The following ADAM29 variants were observed in gnomAD, a reference collection of about 807,000 sequenced individuals.
The protein encoded by ADAM29 is disintegrin and metalloproteinase domain-containing protein 29.
For synonymous variants in ADAM29, 367 were observed against 342.3 expected (o/e 1.07, Z -0.80); for missense variants, 969 against 1,001.8 (o/e 0.97, Z 0.44).
intron 4 of ADAM29, among the ~76,000 whole-genome samples, chr4:174,951,641 G>C (rs1745182024): frequency 6.6e-6 from 1 of 152,136 alleles, no homozygotes; most frequent in South Asian, 2.1e-4. Flanking sequence ...CAAGAATGCA[G>C]GATAATGCCT....
chr4:174,938,765 T>C (rs1744342775), intron 4 of ADAM29, among the ~76,000 whole-genome samples: 1 of 152,068 alleles, frequency 6.6e-6, no homozygotes, highest in African/African-American at 2.4e-5. Flanking sequence ...TCTCCACAAA[T>C]TGGTGGCTTA....
intron 4 of ADAM29, among the ~76,000 whole-genome samples, chr4:174,965,667 C>T (rs1318236054): frequency 1.3e-5 from 2 of 151,988 alleles, no homozygotes; most frequent in Non-Finnish European, 2.9e-5. Context: ...GATGAGAGCC[C>T]TCTTTTGCTC....
At chr4:174,968,769 GCCCACACACACA>G (rs1227187973) in intron 4 of ADAM29, among the ~76,000 whole-genome samples, 18 of 93,386 alleles carry the variant, frequency 1.9e-4, no homozygotes, top group Non-Finnish European at 3.5e-4. Flanking sequence ...GCCACTTTCC[GCCCACACACACA>G]CACACACACA....
chr4:174,956,117 C>A (rs1745484085), intron 4 of ADAM29, among the ~76,000 whole-genome samples: 1 of 152,020 alleles, frequency 6.6e-6, no homozygotes. Context: ...TTCATTATCC[C>A]TTTGGTACTT....
chr4:174,975,877 A>G lies in ADAM29; in HGVS notation c.352A>G (p.Thr118Ala). ...GDPESLVSLS[T>A]CFGGFQGILQ... is the part of the protein sequence containing the mutation. ...CCCAGAATCCCTGGTTTCCCTCAGT[A>G]CCTGTTTTGGGGGTTTTCAAGGAAT... The change falls in exon 5 of 5, where the codon ACC becomes GCC. Residue 118 changes from threonine (T) to alanine (A), a missense_variant. Thr to Ala is a moderately conservative substitution (Grantham distance 58). Transcript: ENST00000359240. 6.2e-7 allele frequency: 1 copy of G among 1,613,678 alleles called. No individual in the cohort carries two copies. Among genetic ancestry groups the G allele is most frequent in the Non-Finnish European group, 8.5e-7 (1 of 1,179,868 alleles).
chr4:174,953,214 AGG>A (rs1560878754), intron 4 of ADAM29, among the ~76,000 whole-genome samples: 16 of 151,866 alleles, frequency 1.1e-4, no homozygotes, highest in Middle Eastern at 3.4e-3. Context: ...TGAACCCAGG[AGG>A]CGGAGCTTGC....
intron 2 of ADAM29, among the ~76,000 whole-genome samples, chr4:174,921,080 GTAA>G: frequency 6.6e-6 from 1 of 152,200 alleles, no homozygotes; most frequent in East Asian, 1.9e-4. Context: ...TGGTTCTACA[GTAA>G]GAAAACTAGA....
At chr4:174,963,284 G>T (rs1045266751) in intron 4 of ADAM29, among the ~76,000 whole-genome samples, 12 of 152,106 alleles carry the variant, frequency 7.9e-5, no homozygotes, top group Non-Finnish European at 1.2e-4. Context: ...GCAATAGGTG[G>T]TCTTTATGGA....
At chr4:174,953,245 C>T (rs1745293179) in intron 4 of ADAM29, among the ~76,000 whole-genome samples, 1 of 152,008 alleles carries the variant, frequency 6.6e-6, no homozygotes, top group African/African-American at 2.4e-5. Context: ...GAGATTGAGC[C>T]ACTGCACTCT....
chr4:174,944,675 T>C (rs1744740350), intron 4 of ADAM29, among the ~76,000 whole-genome samples: 1 of 152,206 alleles, frequency 6.6e-6, no homozygotes, highest in Non-Finnish European at 1.5e-5. Flanking sequence ...ATCCTTATCC[T>C]TCTCCCACCT....
At chr4:174,925,561 TTAAAC>T (rs369981125) in intron 2 of ADAM29, among the ~76,000 whole-genome samples, 485 of 152,302 alleles carry the variant, frequency 3.2e-3, no homozygotes, top group African/African-American at 0.011. Flanking sequence ...GGAAGTCACT[TTAAAC>T]TATGCAGTTT....
intron 4 of ADAM29, among the ~76,000 whole-genome samples, chr4:174,952,922 T>C (rs1221437940): frequency 6.6e-6 from 1 of 152,150 alleles, no homozygotes; most frequent in Non-Finnish European, 1.5e-5. Context: ...TGAATGCTAT[T>C]TTAGAGAGGG....
intron 3 of ADAM29, among the ~76,000 whole-genome samples, chr4:174,933,766 T>C (rs1318006433): frequency 6.6e-6 from 1 of 152,206 alleles, no homozygotes; most frequent in African/African-American, 2.4e-5. Flanking sequence ...CTAAGGATGA[T>C]GGCCTCCAGC....
chr4:174,942,750 G>A (rs1480118917), intron 4 of ADAM29, among the ~76,000 whole-genome samples: 2 of 152,148 alleles, frequency 1.3e-5, no homozygotes, highest in Non-Finnish European at 2.9e-5. Context: ...TTAACATTCA[G>A]CTTCTCTTTG....
rs533209219 is a variant in ADAM29, at chr4:174,976,411, G to A, written c.886G>A (p.Gly296Arg). The A allele has an allele frequency of 2.5e-6, 4 of 1,597,598 alleles. No homozygotes were observed. The highest frequency in any genetic ancestry group is 2.7e-5 in the African/African-American group (2 of 74,304). ...SHLFTTLGLR[G>R]LSGIGAFRGM... Reference sequence around the variant, plus strand: ...TCTTTTCACAACTCTAGGATTAAGAGGGTTAAGTGGCATAGGAGCTTTTAG... The same window carrying A: ...TCTTTTCACAACTCTAGGATTAAGAAGGTTAAGTGGCATAGGAGCTTTTAG... The change falls in exon 5 of 5, where the codon GGG becomes AGG. Residue 296 changes from glycine (G) to arginine (R), a missense_variant. Gly to Arg is a moderately radical substitution (Grantham distance 125, BLOSUM62 -2). Coordinates refer to ENST00000359240, the MANE Select transcript of ADAM29 (RefSeq NM_014269.4).
intron 4 of ADAM29, among the ~76,000 whole-genome samples, chr4:174,968,836 TTA>T (rs1746304867): frequency 6.6e-6 from 1 of 151,942 alleles, no homozygotes; most frequent in African/African-American, 2.4e-5. Context: ...CGTGTTTGTC[TTA>T]TATCTGTAAG....
chr4:174,925,036 C>A (rs911410016), intron 2 of ADAM29, among the ~76,000 whole-genome samples: 5 of 152,132 alleles, frequency 3.3e-5, no homozygotes, highest in Non-Finnish European at 7.4e-5. Flanking sequence ...TTATTCTAAC[C>A]ATCAAACACT....
At chr4:174,968,093 A>C (rs781624159) in intron 4 of ADAM29, among the ~76,000 whole-genome samples, 12 of 152,158 alleles carry the variant, frequency 7.9e-5, no homozygotes, top group Non-Finnish European at 1.8e-4. Flanking sequence ...AGTACATTGC[A>C]GGTGTCAGTA....
rs766252038 is a variant in ADAM29, at chr4:174,976,218, A to G, written c.693A>G (p.Ile231Met). ...AGGATCTATATGTTATTGTTAATAT[A>G]GTGGATTCCATTTTGGATGTCATTG... ...LLEDLYVIVN[I>M]VDSILDVIGV... Residue 231 changes from isoleucine (I) to methionine (M), a missense_variant, in exon 5 of 5, where the codon ATA becomes ATG. Coordinates refer to ENST00000359240, the MANE Select transcript of ADAM29 (RefSeq NM_014269.4). The G allele has an allele frequency of 1.1e-5, 18 of 1,605,464 alleles. No homozygotes were observed. Among genetic ancestry groups the G allele is most frequent in the Non-Finnish European group, 1.5e-5 (18 of 1,177,206 alleles).
Sources: gnomAD v4.1 joint callset for allele counts (sites outside exome capture counted in the v4.1 genomes callset) on GRCh38, gnomAD v4.1.1 for gene constraint, MANE v1.5 for transcripts, NCBI Gene and HGNC (gene_info 2026-07-23, HGNC 2026-07-21) for gene names.